The following FAM20A variants were observed in gnomAD, a reference collection of about 807,000 sequenced individuals.
FAM20A encodes the protein pseudokinase FAM20A.
In FAM20A, 42 loss-of-function variants were observed where a neutral mutation model predicts 52.0. The observed-to-expected ratio is 0.81, with a 90% confidence interval of 0.63 to 1.04. FAM20A has a LOEUF of 1.04. Ranked by LOEUF, FAM20A falls within the 50% of genes least tolerant of loss-of-function variation. FAM20A has a pLI of 0.00. For synonymous variants in FAM20A, 304 were observed against 298.9 expected, an observed-to-expected ratio of 1.02 and a Z score of -0.18; for missense variants, 742 against 712.7, an observed-to-expected ratio of 1.04 and a Z score of -0.47.
chr17:68,563,217 C>G (rs1467105609), intron 1 of FAM20A, among the ~76,000 whole-genome samples: 1 of 152,000 alleles, frequency 6.6e-6, no homozygotes, highest in African/African-American at 2.4e-5. Flanking sequence ...GAAATCCTGT[C>G]TCTACTAAAA....
intron 1 of FAM20A, among the ~76,000 whole-genome samples, chr17:68,572,017 T>TATATATATAATATATATATATATATA (rs2087571502): frequency 8.5e-6 from 1 of 117,080 alleles, no homozygotes; most frequent in African/African-American, 3.4e-5. Context: ...TATATATATA[T>TATATATATAATATATATATATATATA]ATATATATAT....
At chr17:68,543,359 A>G (rs2086396880) in intron 5 of FAM20A, among the ~76,000 whole-genome samples, 1 of 152,152 alleles carries the variant, frequency 6.6e-6, no homozygotes, top group Non-Finnish European at 1.5e-5. Context: ...AGATCAGGAA[A>G]CTAGAGCAAC....
chr17:68,550,827 CA>C (rs2086802597), intron 4 of FAM20A, among the ~76,000 whole-genome samples: 1 of 152,212 alleles, frequency 6.6e-6, no homozygotes. Flanking sequence ...ATCTAACATG[CA>C]GCTGATCCAC....
At position 68,535,632 on chromosome 17, in the gene FAM20A, T is replaced by G; in HGVS notation, c.*1845A>C. Reference sequence around the variant, plus strand: ...ACAACAGTTAAGGAAATCTTTGGGATTAAGGTTTCTCTGTTAAAGAGTTGA... The same window carrying G: ...ACAACAGTTAAGGAAATCTTTGGGAGTAAGGTTTCTCTGTTAAAGAGTTGA... On this transcript the variant is annotated 3_prime_UTR_variant, in exon 11 of 11. Transcript: ENST00000592554. 2.2e-6 allele frequency: 1 copy of G among 454,024 alleles called. No homozygotes were observed. The highest frequency in any genetic ancestry group is 2.3e-5 in the Admixed American group (1 of 42,574). The allele number at this position is 454,024 out of a possible 1,614,324, so 28.1% of individuals were successfully genotyped here. A position where few individuals can be genotyped will look rare whatever the true frequency, so the allele number is the denominator to read the frequency against.
intron 1 of FAM20A, among the ~76,000 whole-genome samples, chr17:68,562,365 CTT>C (rs2087238900): frequency 6.6e-6 from 1 of 152,010 alleles, no homozygotes; most frequent in African/African-American, 2.4e-5. Context: ...TAGAGTGGGT[CTT>C]TTTCTTTTTG....
At position 68,541,858 on chromosome 17, in the gene FAM20A, A is replaced by G; in HGVS notation, c.1109+127T>C. The G allele has an allele frequency of 2.6e-6, 3 of 1,154,032 alleles. No individual in the cohort carries two copies. In the South Asian group the frequency reaches 4.5e-5, roughly 17 times the overall value. The allele number at this position is 1,154,032 out of a possible 1,614,324, so 71.5% of individuals were successfully genotyped here. A position where few individuals can be genotyped will look rare whatever the true frequency, so the allele number is the denominator to read the frequency against. On this transcript the variant is annotated intron_variant, in intron 7 of 10. Transcript: ENST00000592554. Reference sequence around the variant, plus strand: ...CAGGCCTGCTGATCCCAGGATCAATATGAAATGGGGCAAAGGAGTATTGAG... The same window carrying G: ...CAGGCCTGCTGATCCCAGGATCAATGTGAAATGGGGCAAAGGAGTATTGAG...
chr17:68,571,205 G>C (rs1284347914), intron 1 of FAM20A, among the ~76,000 whole-genome samples: 1 of 152,236 alleles, frequency 6.6e-6, no homozygotes, highest in East Asian at 1.9e-4. Context: ...AAATGGAACA[G>C]CAATGAAAGA....
intron 1 of FAM20A, among the ~76,000 whole-genome samples, chr17:68,579,013 CAAA>C (rs377749546): frequency 9.7e-6 from 1 of 103,384 alleles, no homozygotes. Flanking sequence ...GACTCTGTTT[CAAA>C]AAAAAAAAAA....
rs570934703 is a variant in FAM20A at position 68,575,873 on chromosome 17, G to A, written c.405-20130C>T. On this transcript the variant is annotated intron_variant, in intron 1 of 10. Transcript: ENST00000592554. ...AGTTACAGCTGCCACCGGGCAGGGCGTGATGTTTAGGCACTGCTGTTTCTG... is the reference window on the plus strand; with the variant it reads ...AGTTACAGCTGCCACCGGGCAGGGCATGATGTTTAGGCACTGCTGTTTCTG... Among the ~76,000 whole-genome samples the A allele has an allele frequency of 1.2e-4, 18 of 145,320 alleles. No individual in the cohort carries two copies. The South Asian group carries it at 2.0e-3, about 16-fold the overall frequency.
chr17:68,575,042 T>C (rs1697728783), intron 1 of FAM20A: 1 of 152,054 alleles, frequency 6.6e-6, no homozygotes, highest in South Asian at 2.1e-4. Context: ...GGTACAACTA[T>C]TATGTATCAA....
rs1490066912 is a variant in FAM20A at position 68,535,403 on chromosome 17, G to A, written c.*2074C>T. ...CAGTCCTTCGTTATAGGAGGTGGCGGGTTTTGAGGTAGAGCTGTAGCCTGC... is the reference window on the plus strand; with the variant it reads ...CAGTCCTTCGTTATAGGAGGTGGCGAGTTTTGAGGTAGAGCTGTAGCCTGC... On this transcript the variant is annotated 3_prime_UTR_variant, in exon 11 of 11. Coordinates refer to ENST00000592554, the MANE Select transcript of FAM20A (RefSeq NM_017565.4). 2.2e-6 allele frequency: 1 copy of A among 454,116 alleles called. No individual in the cohort carries two copies. Among genetic ancestry groups the A allele is most frequent in the East Asian group, 6.9e-5 (1 of 14,396 alleles). The allele number at this position is 454,116 out of a possible 1,614,324, so 28.1% of individuals were successfully genotyped here.
At chr17:68,571,696 A>G (rs2087539139) in intron 1 of FAM20A, among the ~76,000 whole-genome samples, 1 of 151,542 alleles carries the variant, frequency 6.6e-6, no homozygotes. Context: ...TTTTTTCCCC[A>G]TGGCTGTGAT....
chr17:68,538,325 C>T (rs1198720438), intron 10 of FAM20A, among the ~76,000 whole-genome samples: 1 of 152,212 alleles, frequency 6.6e-6, no homozygotes, highest in Non-Finnish European at 1.5e-5. Flanking sequence ...ACTGCTCATC[C>T]AGTCCTGCTC....
Position 68,537,294 on chromosome 17 carries a change from G to T in FAM20A, c.*183C>A. ...GAGCAAGGCAACGCACGACAGAAGC[G>T]GTGCACCAAGGAGTAAAGATTCAGT... On this transcript the variant is annotated 3_prime_UTR_variant, in exon 11 of 11. Transcript: ENST00000592554. The surrounding 1 kb of genome is among the most constrained non-coding windows in gnomAD (Gnocchi z 4.2). 1.3e-6 allele frequency: 1 copy of T among 799,072 alleles called. No homozygotes were observed. Among genetic ancestry groups the T allele is most frequent in the Non-Finnish European group, 2.1e-6 (1 of 476,408 alleles). The allele number at this position is 799,072 out of a possible 1,614,324, so 49.5% of individuals were successfully genotyped here.
At chr17:68,594,187 G>A (rs920849832) in intron 1 of FAM20A, among the ~76,000 whole-genome samples, 31 of 152,294 alleles carry the variant, frequency 2.0e-4, no homozygotes, top group Non-Finnish European at 3.7e-4. Context: ...CGAGGCGGGC[G>A]GATCACGAGG....
chr17:68,545,349 C>G (rs1648315750), intron 4 of FAM20A, among the ~76,000 whole-genome samples: 1 of 152,170 alleles, frequency 6.6e-6, no homozygotes, highest in South Asian at 2.1e-4. Flanking sequence ...TCTAGACCAC[C>G]ACAATGAAGC....
chr17:68,600,672 G>A lies in FAM20A; in HGVS notation c.-6C>T, dbSNP rs2088599956. 2.2e-5 allele frequency: 34 copies of A among 1,539,772 alleles called. No individual in the cohort carries two copies. The highest frequency in any genetic ancestry group is 2.9e-5 in the Non-Finnish European group (33 of 1,149,546). ...TCCCGGCGCAGCCCCGGCATGGCGTGCTGGCCAAGGGGGACGCCGGGGGCA... is the reference window on the plus strand; with the variant it reads ...TCCCGGCGCAGCCCCGGCATGGCGTACTGGCCAAGGGGGACGCCGGGGGCA... On this transcript the variant is annotated 5_prime_UTR_variant, in exon 1 of 11. Coordinates refer to ENST00000592554, the MANE Select transcript of FAM20A (RefSeq NM_017565.4). This position sits in a 1 kb window ranked among gnomAD's most constrained non-coding sequence, Gnocchi z 6.2.
chr17:68,587,226 T>C (rs1300167230), intron 1 of FAM20A, among the ~76,000 whole-genome samples: 1 of 152,160 alleles, frequency 6.6e-6, no homozygotes, highest in Non-Finnish European at 1.5e-5. Context: ...AGTGTGACAC[T>C]TCGGGCATTC....
chr17:68,591,057 G>A (rs2088290479), intron 1 of FAM20A, among the ~76,000 whole-genome samples: 1 of 151,956 alleles, frequency 6.6e-6, no homozygotes, highest in Non-Finnish European at 1.5e-5. Context: ...ACTATGGAAA[G>A]AGGGAATAGA....
Sources: gnomAD v4.1 joint callset for allele counts (sites outside exome capture counted in the v4.1 genomes callset) on GRCh38, gnomAD v4.1.1 for gene constraint, Gnocchi (gnomAD v3.1) non-coding constraint, MANE v1.5 for transcripts, NCBI Gene and HGNC (gene_info 2026-07-23, HGNC 2026-07-21) for gene names.